NOL4L: variants seen among roughly 807,000 people sequenced by gnomAD.
NOL4L encodes the protein nucleolar protein 4 like, also known as nucleolar protein 4-like.
NOL4L carries 7 observed loss-of-function variants against 64.5 expected under a neutral mutation model. That is an observed-to-expected ratio of 0.11 (90% CI 0.06 to 0.20). The LOEUF (loss-of-function observed/expected upper bound fraction) is 0.20, where lower values mean the gene tolerates loss of function less well. Among genes scored for constraint, NOL4L ranks in the 10% least tolerant of loss-of-function variants. NOL4L has a pLI of 1.00. For missense variants in NOL4L, 680 were observed against 967.1 expected (o/e 0.70, Z 3.94); for synonymous variants, 413 against 401.0 (o/e 1.03, Z -0.36).
chr20:32,507,354 T>C (rs2017178165), intron 4 of NOL4L, among the ~76,000 whole-genome samples: 1 of 152,198 alleles, frequency 6.6e-6, no homozygotes, highest in African/African-American at 2.4e-5. Flanking sequence ...CTAACCCCCA[T>C]AGCGGTGCCT....
rs1367530835 is a variant in NOL4L, at chr20:32,444,584, T to C, written c.*3012A>G. 6.6e-6 allele frequency: 1 copy of C among 152,130 alleles called. No homozygotes were observed. Among genetic ancestry groups the C allele is most frequent in the Non-Finnish European group, 1.5e-5 (1 of 68,026 alleles). The allele number at this position is 152,130 out of a possible 1,614,324, so 9.4% of individuals were successfully genotyped here. On this transcript the variant is annotated 3_prime_UTR_variant, in exon 11 of 11. Transcript: ENST00000621426. ...CTTTGTAAGAGTGGTGACGGTAAAATGAATTTCAGATGGGTTACACACACT... is the reference window on the plus strand; with the variant it reads ...CTTTGTAAGAGTGGTGACGGTAAAACGAATTTCAGATGGGTTACACACACT...
intron 5 of NOL4L, among the ~76,000 whole-genome samples, chr20:32,472,434 G>A (rs1314039786): frequency 6.6e-6 from 1 of 152,164 alleles, no homozygotes; most frequent in Non-Finnish European, 1.5e-5. Context: ...GCACACAGAG[G>A]GCTAAAGCGG....
intron 1 of NOL4L, among the ~76,000 whole-genome samples, chr20:32,551,845 G>T (rs201527759): frequency 1.5e-4 from 23 of 152,134 alleles, no homozygotes; most frequent in African/African-American, 5.3e-4. Context: ...CTGGAATGCA[G>T]TGGTGTAATC....
In NOL4L at chr20:32,584,878, T is replaced by A. The variant is rs1980788183; in HGVS notation, c.13A>T (p.Thr5Ser). 5 of 1,320,012 alleles carry A rather than the reference T, an allele frequency of 3.8e-6. No individual in the cohort carries two copies. Among genetic ancestry groups the A allele is most frequent in the Non-Finnish European group, 3.9e-6 (4 of 1,029,758 alleles). 81.8% of individuals were successfully genotyped at this position (1,320,012 alleles called of 1,614,324 possible). A position where few individuals can be genotyped will look rare whatever the true frequency, so the allele number is the denominator to read the frequency against. Residue 5 changes from threonine to serine, a missense_variant, in exon 1 of 11, where the codon ACG becomes TCG. Transcript: ENST00000621426. ...TCCCAGCCCCCGCGCAGCAGCAGCG[T>A]CGGCTTCGGCATCCTCCCGCCGCGC... MPKP[T>S]LLLRGGWERE... is the part of the protein sequence containing the mutation.
Position 32,551,637 on chromosome 20 carries a change from G to A in NOL4L, c.322-23724C>T, listed in dbSNP as rs182904168. Among the ~76,000 whole-genome samples, 477 of 152,174 alleles carry A rather than the reference G, an allele frequency of 3.1e-3. 5 individuals carry two copies. Among genetic ancestry groups the A allele is most frequent in the African/African-American group, 0.011 (443 of 41,522 alleles). On this transcript the variant is annotated intron_variant, in intron 1 of 10. Transcript: ENST00000621426. ...ATCTAAAGAGACAGAAAGCACAGTA[G>A]TGGTTGTCTCCCTACCTGGGGGAGG...
chr20:32,541,612 G>A (rs1029502717), intron 1 of NOL4L, among the ~76,000 whole-genome samples: 1 of 152,194 alleles, frequency 6.6e-6, no homozygotes, highest in African/African-American at 2.4e-5. Context: ...CCCGGGCCTG[G>A]AATCTGAGCT....
chr20:32,538,522 C>T (rs1300929074), intron 1 of NOL4L, among the ~76,000 whole-genome samples: 2 of 147,276 alleles, frequency 1.4e-5, no homozygotes, highest in Non-Finnish European at 3.0e-5. Flanking sequence ...GCTGGGGTAG[C>T]CAGCACCCTG....
chr20:32,530,118 A>G (rs2018289821), intron 1 of NOL4L, among the ~76,000 whole-genome samples: 1 of 152,204 alleles, frequency 6.6e-6, no homozygotes, highest in South Asian at 2.1e-4. Context: ...AAATATTATG[A>G]TAGGTCAGTT....
chr20:32,531,214 G>A (rs1349826628), intron 1 of NOL4L, among the ~76,000 whole-genome samples: 2 of 152,146 alleles, frequency 1.3e-5, no homozygotes, highest in Admixed American at 1.3e-4. Context: ...CCAGAACACA[G>A]ATATTTCTGG....
chr20:32,526,688 A>T (rs149111188), intron 2 of NOL4L, among the ~76,000 whole-genome samples: 393 of 152,286 alleles, frequency 2.6e-3, no homozygotes, highest in Non-Finnish European at 4.2e-3. Flanking sequence ...CATGGAGGAC[A>T]CTGGCTGACT....
At chr20:32,472,574 G>A (rs1010063980) in intron 5 of NOL4L, among the ~76,000 whole-genome samples, 1 of 152,212 alleles carries the variant, frequency 6.6e-6, no homozygotes, top group Non-Finnish European at 1.5e-5. Context: ...GCACCTTCAA[G>A]AGGGGCTGGT....
chr20:32,528,158 A>T (rs1168512560), intron 1 of NOL4L, among the ~76,000 whole-genome samples: 2 of 152,190 alleles, frequency 1.3e-5, no homozygotes, highest in Non-Finnish European at 2.9e-5. Flanking sequence ...CAAATTAAAA[A>T]ACCAAGAGGC....
At chr20:32,532,362 T>G in intron 1 of NOL4L, 2 of 985,408 alleles carry the variant, frequency 2.0e-6, no homozygotes, top group Non-Finnish European at 2.4e-6. Flanking sequence ...ATTCCATGTG[T>G]GCTACACCCT....
intron 1 of NOL4L, among the ~76,000 whole-genome samples, chr20:32,579,547 C>G (rs1980337485): frequency 6.6e-6 from 1 of 152,090 alleles, no homozygotes; most frequent in African/African-American, 2.4e-5. Flanking sequence ...TCCAGCCTCC[C>G]AGACGTGCAG....
At chr20:32,578,333 G>A (rs770487429) in intron 1 of NOL4L, among the ~76,000 whole-genome samples, 2 of 152,128 alleles carry the variant, frequency 1.3e-5, no homozygotes, top group Admixed American at 6.5e-5. Context: ...GGTGGGTGCT[G>A]TCACCAACTT....
intron 4 of NOL4L, among the ~76,000 whole-genome samples, chr20:32,484,664 T>C: frequency 6.6e-6 from 1 of 151,732 alleles, no homozygotes; most frequent in East Asian, 1.9e-4. Context: ...GCCACAGTTG[T>C]AAAGTAATAG....
At chr20:32,452,763 G>A in intron 9 of NOL4L, 121 bp downstream of exon 9, 7 of 1,469,764 alleles carry the variant, frequency 4.8e-6, no homozygotes, top group Non-Finnish European at 6.5e-6. Context: ...TTGCCCTCCT[G>A]TTCCCCCTCT....
intron 5 of NOL4L, among the ~76,000 whole-genome samples, chr20:32,466,383 A>G (rs2014551597): frequency 1.3e-5 from 2 of 151,628 alleles, no homozygotes; most frequent in African/African-American, 4.8e-5. Context: ...GGATAAAGGG[A>G]TCTCTCGGTG....
intron 4 of NOL4L, among the ~76,000 whole-genome samples, chr20:32,500,377 G>A (rs746542728): frequency 1.0e-4 from 15 of 143,896 alleles, no homozygotes; most frequent in East Asian, 1.0e-3. Context: ...TTTTTGAGAC[G>A]GAGTCTTGCT....
Sources: allele counts gnomAD v4.1 joint callset (sites outside exome capture counted in the v4.1 genomes callset), GRCh38; gene constraint gnomAD v4.1.1; transcripts MANE v1.5; gene names NCBI Gene and HGNC (gene_info 2026-07-23, HGNC 2026-07-21).